KCNB2: variants seen among roughly 807,000 people sequenced by gnomAD.
KCNB2 encodes potassium voltage-gated channel subfamily B member 2.
KCNB2 carries 15 observed loss-of-function variants against 61.5 expected under a neutral mutation model. The observed-to-expected ratio is 0.24, with a 90% CI of 0.16 to 0.38. The LOEUF is 0.38. KCNB2 is among the 10% of genes least tolerant of loss of function. The probability of loss-of-function intolerance (pLI) is 1.00; values close to 1 mark genes in which losing one functional copy is unlikely to be tolerated. For synonymous variants in KCNB2, 457 were observed against 446.0 expected, an observed-to-expected ratio of 1.02 and a Z score of -0.31; for missense variants, 828 against 1,125.2, an observed-to-expected ratio of 0.74 and a Z score of 3.78.
At chr8:72,633,320 C>T (rs1805911874) in intron 2 of KCNB2, among the ~76,000 whole-genome samples, 1 of 152,154 alleles carries the variant, frequency 6.6e-6, no homozygotes, top group South Asian at 2.1e-4. Flanking sequence ...TTCAGATCTT[C>T]TCATGACTTC....
intron 2 of KCNB2, among the ~76,000 whole-genome samples, chr8:72,667,899 T>C (rs2128987929): frequency 6.6e-6 from 1 of 152,320 alleles, no homozygotes; most frequent in Admixed American, 6.5e-5. Context: ...TTCCTCATGA[T>C]CATGAATTCC....
At chr8:72,934,689 T>C (rs1468121486) in intron 2 of KCNB2, among the ~76,000 whole-genome samples, 1 of 152,128 alleles carries the variant, frequency 6.6e-6, no homozygotes, top group African/African-American at 2.4e-5. Flanking sequence ...CTGAAACCAA[T>C]GACACCTCCC....
At chr8:72,855,883 AT>A (rs1810198991) in intron 2 of KCNB2, among the ~76,000 whole-genome samples, 1 of 152,202 alleles carries the variant, frequency 6.6e-6, no homozygotes, top group South Asian at 2.1e-4. Flanking sequence ...GTGGTATAGT[AT>A]TTGCATATAA....
intron 2 of KCNB2, among the ~76,000 whole-genome samples, chr8:72,702,637 G>A (rs1160494434): frequency 6.6e-6 from 1 of 152,248 alleles, no homozygotes; most frequent in East Asian, 1.9e-4. Context: ...AAATAATGTG[G>A]AAATATTGAA....
intron 1 of KCNB2, among the ~76,000 whole-genome samples, chr8:72,545,934 C>T (rs1429537178): frequency 6.6e-6 from 1 of 152,096 alleles, no homozygotes; most frequent in East Asian, 1.9e-4. Flanking sequence ...TCAAATTAGT[C>T]ACAACATTCC....
intron 2 of KCNB2, among the ~76,000 whole-genome samples, chr8:72,609,712 G>A (rs1168113401): frequency 2.0e-5 from 3 of 152,132 alleles, no homozygotes; most frequent in Admixed American, 6.5e-5. Context: ...GATCAACTTA[G>A]TATAATTTTA....
At chr8:72,677,569 T>C (rs371357138) in intron 2 of KCNB2, among the ~76,000 whole-genome samples, 1 of 152,310 alleles carries the variant, frequency 6.6e-6, no homozygotes, top group African/African-American at 2.4e-5. Flanking sequence ...CAATCAGGCT[T>C]TTTTCAAAAC....
In KCNB2 at chr8:72,656,135, C is replaced by T. The variant is rs531394173; in HGVS notation, c.579+87822C>T. Among the ~76,000 whole-genome samples the T allele has an allele frequency of 3.3e-5, 5 of 152,216 alleles. No homozygotes were observed. The East Asian group carries it at 7.7e-4, about 23-fold the overall frequency. On this transcript the variant is annotated intron_variant, in intron 2 of 2. Coordinates refer to ENST00000523207, the MANE Select transcript of KCNB2 (RefSeq NM_004770.3). ...GGGCTTTTCTCCACTTCTTCACCCC[C>T]GTACTTTCAATTTTGCAGCACTGGG...
chr8:72,713,321 C>A (rs1053635514), intron 2 of KCNB2, among the ~76,000 whole-genome samples: 1 of 152,170 alleles, frequency 6.6e-6, no homozygotes, highest in African/African-American at 2.4e-5. Flanking sequence ...AGTGGTTCTC[C>A]CAGCACGCAG....
intron 2 of KCNB2, among the ~76,000 whole-genome samples, chr8:72,907,949 A>G (rs563531185): frequency 3.3e-5 from 5 of 152,318 alleles, no homozygotes; most frequent in Non-Finnish European, 5.9e-5. Flanking sequence ...ACACTTGTCT[A>G]CAAGAACTGT....
rs141004405 is a variant in KCNB2, at chr8:72,870,807, A to C, written c.580-65128A>C. On this transcript the variant is annotated intron_variant, in intron 2 of 2. Coordinates refer to ENST00000523207, the MANE Select transcript of KCNB2 (RefSeq NM_004770.3). ...AGCCTGGACAACATAGCAAAACTCC[A>C]TCTCTATAAAAATACAAAAATTTGC... 3.2e-4 allele frequency among the ~76,000 whole-genome samples: 48 copies of C among 152,286 alleles called. No individual in the cohort carries two copies. The East Asian group carries it at 6.9e-3, about 22-fold the overall frequency.
chr8:72,814,230 T>G (rs540107063), intron 2 of KCNB2, among the ~76,000 whole-genome samples: 39 of 152,354 alleles, frequency 2.6e-4, no homozygotes, highest in Middle Eastern at 3.4e-3. Flanking sequence ...ATATCACAAT[T>G]TATCCATTCC....
At chr8:72,886,220 C>T (rs1333341477) in intron 2 of KCNB2, among the ~76,000 whole-genome samples, 1 of 152,278 alleles carries the variant, frequency 6.6e-6, no homozygotes, top group South Asian at 2.1e-4. Flanking sequence ...CATCTCTTGA[C>T]CTGGGCACCC....
chr8:72,701,470 CCA>C (rs952688418), intron 2 of KCNB2, among the ~76,000 whole-genome samples: 7 of 152,160 alleles, frequency 4.6e-5, no homozygotes, highest in Non-Finnish European at 1.0e-4. Context: ...GCCCTGCTTT[CCA>C]CAACATGTTG....
chr8:72,855,963 T>C (rs924363882), intron 2 of KCNB2, among the ~76,000 whole-genome samples: 1 of 152,206 alleles, frequency 6.6e-6, no homozygotes, highest in Admixed American at 6.5e-5. Context: ...ACAATGTAAA[T>C]GCTCTGAAGA....
At chr8:72,615,660 G>A (rs17830126) in intron 2 of KCNB2, among the ~76,000 whole-genome samples, 23,827 of 152,114 alleles carry the variant, frequency 0.16, 2,387 homozygotes, top group Middle Eastern at 0.24. Context: ...TACTAAGAGC[G>A]AATAATGTGG....
At chr8:72,726,075 C>T (rs1807645030) in intron 2 of KCNB2, among the ~76,000 whole-genome samples, 1 of 152,202 alleles carries the variant, frequency 6.6e-6, no homozygotes, top group Non-Finnish European at 1.5e-5. Flanking sequence ...ATGTTGAAGC[C>T]TTAACCCCCA....
At chr8:72,853,527 G>T (rs1016656074) in intron 2 of KCNB2, among the ~76,000 whole-genome samples, 6 of 152,138 alleles carry the variant, frequency 3.9e-5, no homozygotes, top group Non-Finnish European at 8.8e-5. Flanking sequence ...TGGCTCTAGG[G>T]AACCTGACCC....
At chr8:72,788,550 G>A (rs1808881080) in intron 2 of KCNB2, among the ~76,000 whole-genome samples, 1 of 152,028 alleles carries the variant, frequency 6.6e-6, no homozygotes, top group East Asian at 1.9e-4. Context: ...GGAGACTCAA[G>A]TTGGTTCAAA....
Sources: allele counts gnomAD v4.1 joint callset (sites outside exome capture counted in the v4.1 genomes callset), GRCh38; gene constraint gnomAD v4.1.1; transcripts MANE v1.5; gene names NCBI Gene and HGNC (gene_info 2026-07-23, HGNC 2026-07-21).